Variants in PADI2 observed in about 807,000 individuals in gnomAD.
The protein encoded by PADI2 is peptidyl arginine deiminase 2.
In PADI2, 70 loss-of-function variants were observed where a neutral mutation model predicts 81.1. That is an observed-to-expected ratio of 0.86 (90% confidence interval 0.71 to 1.05). PADI2 has a LOEUF of 1.05. Among genes scored for constraint, PADI2 ranks in the 50% least tolerant of loss-of-function variants. The pLI is 0.00. For missense variants in PADI2, 853 were observed against 889.9 expected, an observed-to-expected ratio of 0.96 and a Z score of 0.53; for synonymous variants, 338 against 358.0, an observed-to-expected ratio of 0.94 and a Z score of 0.63.
In PADI2 at chr1:17,095,950, C is replaced by T. The variant is rs751599507; in HGVS notation, c.370G>A (p.Ala124Thr). 2.1e-5 allele frequency: 34 copies of T among 1,607,230 alleles called. No homozygotes were observed. The highest frequency in any genetic ancestry group is 3.4e-5 in the South Asian group (3 of 88,944). ...TAIEISLDVD[A>T]DRDGVVEKNN... ...TTCTCCACCACACCATCCCGGTCTG[C>T]GTCCACATCCAGGGAGATCTCTGGG... Residue 124 changes from alanine to threonine, a missense_variant, in exon 4 of 16, where the codon GCA (alanine) becomes ACA (threonine). Ala to Thr is a moderately conservative substitution (Grantham distance 58, BLOSUM62 0). Coordinates refer to ENST00000375486, the MANE Select transcript of PADI2 (RefSeq NM_007365.3).
At chr1:17,104,540 T>C (rs1405338659) in intron 2 of PADI2, among the ~76,000 whole-genome samples, 2 of 136,594 alleles carry the variant, frequency 1.5e-5, no homozygotes, top group East Asian at 5.2e-4. Context: ...GTTCACGCCA[T>C]TCTCCTGCCT....
intron 5 of PADI2, 69 bp downstream of exon 5, chr1:17,093,498 A>C: frequency 9.7e-7 from 1 of 1,028,320 alleles, no homozygotes; most frequent in Non-Finnish European, 1.5e-6. Context: ...CCCTCAGCCC[A>C]GCCCAGGACT....
intron 11 of PADI2, among the ~76,000 whole-genome samples, chr1:17,076,889 T>C (rs2078307470): frequency 6.6e-6 from 1 of 152,138 alleles, no homozygotes; most frequent in Non-Finnish European, 1.5e-5. Flanking sequence ...CCCTTCCTCA[T>C]TTCTAGACCC....
intron 1 of PADI2, among the ~76,000 whole-genome samples, chr1:17,117,138 C>T (rs1931783987): frequency 6.6e-6 from 1 of 152,206 alleles, no homozygotes; most frequent in African/African-American, 2.4e-5. Context: ...AAACTCTGCA[C>T]TAGACCTGTT....
At chr1:17,075,860 C>A in intron 11 of PADI2, 37 bp from the exon 12 acceptor site, 1 of 1,603,212 alleles carries the variant, frequency 6.2e-7, no homozygotes. Context: ...AGCAAATTAC[C>A]CACCGCACCA....
In PADI2 at chr1:17,119,330, G is replaced by A. The variant is rs1931865103; in HGVS notation, c.42C>T (p.Arg14=). ...ERTVRLQYGS[R]VEAVYVLGTY... ...TGCCCAGCACGTACACCGCCTCCAC[G>A]CGGCTCCCGTACTGCAGCCGCACGG... The change falls in exon 1 of 16, where the codon CGC becomes CGT. Residue 14 remains arginine (R), a synonymous_variant. Transcript: ENST00000375486. This position sits in a 1 kb window ranked among gnomAD's most constrained non-coding sequence, Gnocchi z 4.8. The A allele has an allele frequency of 2.6e-6, 4 of 1,556,986 alleles. No homozygotes were observed. The African/African-American group carries it at 5.5e-5, about 21-fold the overall frequency.
chr1:17,075,663 C>T lies in PADI2; in HGVS notation c.1455+16G>A, dbSNP rs1411925123. The T allele has an allele frequency of 2.5e-6, 4 of 1,606,558 alleles. No individual in the cohort carries two copies. The highest frequency in any genetic ancestry group is 2.2e-5 in the East Asian group (1 of 44,484). On this transcript the variant is annotated intron_variant, in intron 12 of 15. Coordinates refer to ENST00000375486, the MANE Select transcript of PADI2 (RefSeq NM_007365.3). ...GCTGCTACCCCATTCACTCCAGCCT[C>T]GGGAGGCTAGCTTACCTTTGTGCCG...
rs537271889 is a variant in PADI2 at position 17,087,801 on chromosome 1, C to T, written c.656-1102G>A. Among the ~76,000 whole-genome samples, 22 of 152,304 alleles carry T rather than the reference C, an allele frequency of 1.4e-4. No individual in the cohort carries two copies. The East Asian group carries it at 2.1e-3, about 15-fold the overall frequency. ...GATTACAGGTGTGAGCCACCACACCCGGCCTCATCACAGCCTTTTTAAATG... is the reference window on the plus strand; with the variant it reads ...GATTACAGGTGTGAGCCACCACACCTGGCCTCATCACAGCCTTTTTAAATG... On this transcript the variant is annotated intron_variant, in intron 6 of 15. Coordinates refer to ENST00000375486, the MANE Select transcript of PADI2 (RefSeq NM_007365.3).
intron 1 of PADI2, among the ~76,000 whole-genome samples, chr1:17,108,176 T>G (rs935112571): frequency 6.7e-6 from 1 of 148,738 alleles, no homozygotes; most frequent in Non-Finnish European, 1.5e-5. Flanking sequence ...CTTGAACTCC[T>G]GACCTCAGGT....
intron 5 of PADI2, 28 bp downstream of exon 5, chr1:17,093,539 G>T: frequency 7.1e-7 from 1 of 1,410,030 alleles, no homozygotes; most frequent in East Asian, 2.3e-5. Context: ...CTCTCATCCT[G>T]CCCCCCAAGT....
Position 17,067,253 on chromosome 1 carries a change from AAC to A in PADI2, c.*1789_*1790del, listed in dbSNP as rs34043625. Reference sequence around the variant, plus strand: ...AAAACCCATAAACCCACATTAACCAAACACACACACACACATGACAAACTCTA... The same window carrying A: ...AAAACCCATAAACCCACATTAACCAAACACACACACACATGACAAACTCTA... On this transcript the variant is annotated 3_prime_UTR_variant, in exon 16 of 16. Coordinates refer to ENST00000375486, the MANE Select transcript of PADI2 (RefSeq NM_007365.3). 77,328 of 148,714 alleles carry A rather than the reference AAC, an allele frequency of 0.52. 20,973 individuals carry two copies. Among genetic ancestry groups the A allele is most frequent in the Non-Finnish European group, 0.61 (41,039 of 67,408 alleles). 9.2% of individuals were successfully genotyped at this position (148,714 alleles called of 1,614,324 possible). A position where few individuals can be genotyped will look rare whatever the true frequency, so the allele number is the denominator to read the frequency against.
At chr1:17,094,594 T>C (rs377168119) in intron 4 of PADI2, among the ~76,000 whole-genome samples, 192 of 152,352 alleles carry the variant, frequency 1.3e-3, no homozygotes, top group African/African-American at 4.5e-3. Flanking sequence ...ATGTGGACCA[T>C]GGGCTCCTTA....
At chr1:17,077,489 CCT>C (rs1196551302) in intron 11 of PADI2, among the ~76,000 whole-genome samples, 1 of 152,134 alleles carries the variant, frequency 6.6e-6, no homozygotes, top group Non-Finnish European at 1.5e-5. Context: ...GACCTGACTC[CCT>C]GTTATTCTTT....
At position 17,075,787 on chromosome 1, in the gene PADI2, G is replaced by A. The variant is rs2101574677; in HGVS notation, c.1347C>T (p.Asp449=). ...GGRRMTKVVR[D]FLKAQQVQAP... ...CCTGCACCTGCTGGGCCTTCAGGAA[G>A]TCACGCACCACCTTGGTCATCCTCC... The change falls in exon 12 of 16, where the codon GAC becomes GAT. Residue 449 remains aspartate, a synonymous_variant. Transcript: ENST00000375486. 6.2e-7 allele frequency: 1 copy of A among 1,614,040 alleles called. No homozygotes were observed. The highest frequency in any genetic ancestry group is 1.1e-5 in the South Asian group (1 of 91,066).
Position 17,082,614 on chromosome 1 carries a change from T to G in PADI2, c.1089A>C (p.Lys363Asn). The G allele has an allele frequency of 4.3e-6, 7 of 1,611,020 alleles. No homozygotes were observed. The highest frequency in any genetic ancestry group is 5.1e-6 in the Non-Finnish European group (6 of 1,178,938). Reference protein sequence around the residue: ...IEFGYIEAPHKGFPVVLDSPR... With the variant: ...IEFGYIEAPHNGFPVVLDSPR... ...GAGAGTCCAGCACCACGGGGAAGCC[T>G]TTATGGGGGGCCTCGATGTAGCCAA... The change falls in exon 10 of 16, where the codon AAA (lysine) becomes AAC (asparagine). Residue 363 changes from lysine to asparagine, a missense_variant. Physicochemically the swap from Lys to Asn is moderately conservative, Grantham distance 94 (BLOSUM62 0). Coordinates refer to ENST00000375486, the MANE Select transcript of PADI2 (RefSeq NM_007365.3).
At chr1:17,088,468 C>T (rs1257117108) in intron 6 of PADI2, among the ~76,000 whole-genome samples, 2 of 152,162 alleles carry the variant, frequency 1.3e-5, no homozygotes, top group Non-Finnish European at 2.9e-5. Context: ...AACCGCGAAG[C>T]CAGGGCTTGG....
intron 1 of PADI2, among the ~76,000 whole-genome samples, chr1:17,112,031 C>A (rs938392069): frequency 1.2e-4 from 18 of 152,028 alleles, no homozygotes; most frequent in African/African-American, 3.9e-4. Flanking sequence ...GCAGGGGTGG[C>A]ATGATCAGTT....
intron 15 of PADI2, 23 bp from the exon 16 acceptor site, chr1:17,069,300 C>T (rs1156740491): frequency 5.1e-6 from 8 of 1,578,874 alleles, no homozygotes; most frequent in East Asian, 4.5e-5. Context: ...ATTGCGATGG[C>T]AACAGCTTCC....
At chr1:17,086,868 C>T (rs758653824) in intron 6 of PADI2, among the ~76,000 whole-genome samples, 169 bp from the exon 7 acceptor site, 57 of 152,206 alleles carry the variant, frequency 3.7e-4, no homozygotes, top group Non-Finnish European at 4.0e-4. Context: ...TTGTCATTGT[C>T]TCAGCACTGC....
Sources: gnomAD v4.1 joint callset for allele counts (sites outside exome capture counted in the v4.1 genomes callset) on GRCh38, gnomAD v4.1.1 for gene constraint, Gnocchi (gnomAD v3.1) non-coding constraint, MANE v1.5 for transcripts, NCBI Gene and HGNC (gene_info 2026-07-23, HGNC 2026-07-21) for gene names.